Variants in FAM227B observed in about 807,000 individuals in gnomAD.
FAM227B encodes family with sequence similarity 227 member B, also known as protein FAM227B.
Under a neutral mutation model 73.8 loss-of-function variants are expected in FAM227B, and 88 were observed. That is an observed-to-expected ratio of 1.19 (90% CI 1.00 to 1.42). The LOEUF (loss-of-function observed/expected upper bound fraction) is 1.42, where lower values mean the gene tolerates loss of function less well. Among genes scored for constraint, FAM227B ranks in the 40% most tolerant of loss-of-function variants. The pLI, the probability that FAM227B is intolerant of heterozygous loss-of-function variation, is 0.00. For synonymous variants in FAM227B, 210 were observed against 190.5 expected (o/e 1.10, Z -0.84); for missense variants, 632 against 590.9 (o/e 1.07, Z -0.72).
At chr15:49,528,495 C>G (rs2060372117) in intron 10 of FAM227B, among the ~76,000 whole-genome samples, 1 of 151,262 alleles carries the variant, frequency 6.6e-6, no homozygotes, top group Non-Finnish European at 1.5e-5. Context: ...ACAAAACAGA[C>G]CAGTGAGACG....
chr15:49,531,209 C>T (rs1233599574), intron 10 of FAM227B, among the ~76,000 whole-genome samples: 1 of 151,682 alleles, frequency 6.6e-6, no homozygotes, highest in Non-Finnish European at 1.5e-5. Context: ...ATGTTCCATA[C>T]CTTGATGTGT....
chr15:49,390,555 T>C (rs2047149312), intron 11 of FAM227B, among the ~76,000 whole-genome samples: 1 of 152,114 alleles, frequency 6.6e-6, no homozygotes, highest in Admixed American at 6.6e-5. Context: ...GCCAATCTAA[T>C]TCATGGGCCA....
Position 49,593,528 on chromosome 15 carries a change from G to C in FAM227B, c.106-3521C>G, listed in dbSNP as rs927826742. On this transcript the variant is annotated intron_variant, in intron 3 of 15. Transcript: ENST00000299338. ...CTTCAGTGGTGATTTCTGAGATTTTGGTGCACCTATCACCCGAGCAGTATA... is the reference window on the plus strand; with the variant it reads ...CTTCAGTGGTGATTTCTGAGATTTTCGTGCACCTATCACCCGAGCAGTATA... Among the ~76,000 whole-genome samples the C allele has an allele frequency of 2.6e-5, 4 of 151,950 alleles. No individual in the cohort carries two copies. The South Asian group carries it at 8.3e-4, about 32-fold the overall frequency.
chr15:49,339,093 G>C (rs1407822798), intron 13 of FAM227B, among the ~76,000 whole-genome samples: 1 of 152,094 alleles, frequency 6.6e-6, no homozygotes, highest in African/African-American at 2.4e-5. Context: ...TTAGCTCGCA[G>C]GAGTTTGTTA....
rs180891059 is a variant in FAM227B at position 49,588,865 on chromosome 15, G to T, written c.338-782C>A. 1.1e-3 allele frequency among the ~76,000 whole-genome samples: 159 copies of T among 151,016 alleles called. 1 individual carries two copies. The highest frequency in any genetic ancestry group is 2.9e-3 in the South Asian group (14 of 4,770). On this transcript the variant is annotated intron_variant, in intron 4 of 15. Coordinates refer to ENST00000299338, the MANE Select transcript of FAM227B (RefSeq NM_152647.3). The stretch of plus-strand genomic sequence containing the variant: ...AAATTTTTAAAAAGTTAATTTAATA[G>T]AAGTGTATTTAAACACATCTTCAGA...
At chr15:49,615,618 G>A (rs371488792) in intron 1 of FAM227B, among the ~76,000 whole-genome samples, 4 of 152,210 alleles carry the variant, frequency 2.6e-5, no homozygotes, top group Admixed American at 1.3e-4. Flanking sequence ...AGTTTCCTGA[G>A]GCCTCCCCAG....
At chr15:49,354,270 G>A (rs991993789) in intron 13 of FAM227B, among the ~76,000 whole-genome samples, 1 of 152,182 alleles carries the variant, frequency 6.6e-6, no homozygotes, top group Non-Finnish European at 1.5e-5. Context: ...GAACAGCTCC[G>A]GTCTACAGCT....
chr15:49,596,255 CA>C (rs1289715902), intron 3 of FAM227B, among the ~76,000 whole-genome samples: 5 of 151,926 alleles, frequency 3.3e-5, no homozygotes, highest in African/African-American at 1.2e-4. Context: ...ATCAGATTAA[CA>C]GATTTTTCAG....
chr15:49,365,474 G>T (rs576090571), intron 13 of FAM227B: 2 of 863,072 alleles, frequency 2.3e-6, no homozygotes, highest in East Asian at 4.8e-5. Flanking sequence ...ATTGAAACAG[G>T]CATGATGCAC....
intron 3 of FAM227B, among the ~76,000 whole-genome samples, chr15:49,604,777 ATC>A (rs112836224): frequency 0.059 from 8,987 of 151,498 alleles, 956 homozygotes; most frequent in African/African-American, 0.21. Context: ...GTTTCAAATG[ATC>A]TGTTTTTGAG....
At chr15:49,443,946 A>G (rs1244579116) in intron 11 of FAM227B, among the ~76,000 whole-genome samples, 1 of 151,686 alleles carries the variant, frequency 6.6e-6, no homozygotes, top group African/African-American at 2.4e-5. Context: ...CATTTACATC[A>G]TGCTTCTACA....
intron 11 of FAM227B, chr15:49,422,539 T>A: frequency 7.5e-7 from 1 of 1,330,340 alleles, no homozygotes; most frequent in Non-Finnish European, 9.7e-7. Context: ...CTTATATTAG[T>A]AGTGAGTATA....
chr15:49,389,726 A>G (rs777335124), intron 11 of FAM227B, among the ~76,000 whole-genome samples: 35 of 152,062 alleles, frequency 2.3e-4, no homozygotes, highest in Non-Finnish European at 4.3e-4. Context: ...ATACATATAA[A>G]AGCTTTGTTG....
chr15:49,454,345 C>T (rs1449328550), intron 11 of FAM227B, among the ~76,000 whole-genome samples: 5 of 152,044 alleles, frequency 3.3e-5, no homozygotes, highest in African/African-American at 9.7e-5. Context: ...TCCAGAAACA[C>T]ATCATTTATA....
intron 14 of FAM227B, among the ~76,000 whole-genome samples, chr15:49,334,554 T>C (rs573754472): frequency 6.6e-6 from 1 of 152,208 alleles, no homozygotes; most frequent in East Asian, 1.9e-4. Flanking sequence ...TAGAAAGGTG[T>C]CCATCCGTTT....
At chr15:49,610,744 C>G (rs1197152629) in intron 3 of FAM227B, among the ~76,000 whole-genome samples, 2 of 152,072 alleles carry the variant, frequency 1.3e-5, no homozygotes, top group Non-Finnish European at 2.9e-5. Context: ...GTCCAATAAC[C>G]CCAGGCGAAG....
intron 11 of FAM227B, among the ~76,000 whole-genome samples, chr15:49,429,387 T>C (rs1348792093): frequency 6.6e-6 from 1 of 151,978 alleles, no homozygotes; most frequent in Non-Finnish European, 1.5e-5. Flanking sequence ...TTTTTGGCTA[T>C]CACATGTGCC....
chr15:49,461,705 T>G (rs570897897), intron 11 of FAM227B, among the ~76,000 whole-genome samples: 1 of 152,336 alleles, frequency 6.6e-6, no homozygotes, highest in South Asian at 2.1e-4. Context: ...ATCCTTATTT[T>G]TTTGAGGAAA....
chr15:49,545,334 C>G (rs910468088), intron 9 of FAM227B, among the ~76,000 whole-genome samples: 4 of 152,034 alleles, frequency 2.6e-5, no homozygotes, highest in African/African-American at 9.7e-5. Flanking sequence ...TCTGTGGTAT[C>G]GGTTGTAATG....
Sources: allele counts gnomAD v4.1 joint callset (sites outside exome capture counted in the v4.1 genomes callset), GRCh38; gene constraint gnomAD v4.1.1; transcripts MANE v1.5; gene names NCBI Gene and HGNC (gene_info 2026-07-23, HGNC 2026-07-21).